The following FAM161A variants were observed in gnomAD, a reference collection of about 807,000 sequenced individuals.
FAM161A encodes the protein FAM161 centrosomal protein A.
FAM161A carries 57 observed loss-of-function variants against 70.9 expected under a neutral mutation model. The observed-to-expected ratio is 0.80, with a 90% CI of 0.65 to 1.00. FAM161A has a LOEUF of 1.00. Ranked by LOEUF, FAM161A falls within the 50% of genes least tolerant of loss-of-function variation. The pLI is 0.00. For synonymous variants in FAM161A, 299 were observed against 295.7 expected (o/e 1.01, Z -0.12); for missense variants, 880 against 836.0 (o/e 1.05, Z -0.65).
chr2:61,830,984 C>G (rs568755503), intron 5 of FAM161A, among the ~76,000 whole-genome samples: 47 of 151,656 alleles, frequency 3.1e-4, no homozygotes, highest in African/African-American at 1.1e-3. Context: ...TGGTGGCACG[C>G]GCCTGTAATC....
In FAM161A at chr2:61,839,692, A is replaced by G; in HGVS notation, c.1312T>C (p.Tyr438His). The G allele has an allele frequency of 6.2e-7, 1 of 1,614,188 alleles. No homozygotes were observed. The highest frequency in any genetic ancestry group is 1.6e-4 in the Middle Eastern group (1 of 6,062). The change falls in exon 3 of 7, where the codon TAC becomes CAC. Residue 438 changes from tyrosine to histidine, a missense_variant. Transcript: ENST00000404929. ...TTGTGTTCTGAGAGGTGTTTCTGGT[A>G]TCTCTCAGGAAGGTCCTCAAAATCA... The part of the protein sequence containing the change: ...TPDFEDLPER[Y>H]QKHLSEHKSP...
chr2:61,813,599 G>T, the FAM161A span, among the ~76,000 whole-genome samples: 1 of 149,470 alleles, frequency 6.7e-6, no homozygotes, highest in Non-Finnish European at 1.5e-5. Context: ...TGCACCTGTG[G>T]TCTCAGCTAT....
At chr2:61,815,380 C>T in the FAM161A span, among the ~76,000 whole-genome samples, 10 of 152,062 alleles carry the variant, frequency 6.6e-5, no homozygotes, top group East Asian at 1.9e-4. Context: ...TCGTTGAATC[C>T]GCCTCAAGGG....
At chr2:61,807,483 A>G in the FAM161A span, among the ~76,000 whole-genome samples, 1 of 151,900 alleles carries the variant, frequency 6.6e-6, no homozygotes, top group South Asian at 2.1e-4. Context: ...GAAAATGTAA[A>G]AAAGAACATT....
chr2:61,826,407 C>T lies in FAM161A; in HGVS notation c.*48G>A, dbSNP rs756747445. 1.3e-6 allele frequency: 2 copies of T among 1,598,578 alleles called. No homozygotes were observed. Among genetic ancestry groups the T allele is most frequent in the African/African-American group, 2.7e-5 (2 of 74,596 alleles). ...AAACACAAATGCGGCTGCTGACACC[C>T]TGACGCTGCAAACAACAGCAAGGGC... On this transcript the variant is annotated 3_prime_UTR_variant, in exon 7 of 7. Transcript: ENST00000404929.
chr2:61,824,805 T>C (rs1321865528), downstream of FAM161A: 6 of 356,772 alleles, frequency 1.7e-5, no homozygotes, highest in South Asian at 1.4e-4. Context: ...TTTAATCCCA[T>C]GTGTACTCAT....
chr2:61,804,940 G>A, the FAM161A span, among the ~76,000 whole-genome samples: 1 of 152,004 alleles, frequency 6.6e-6, no homozygotes, highest in Non-Finnish European at 1.5e-5. Context: ...CCCAGCAAAT[G>A]AATCCACTGG....
intron 1 of FAM161A, among the ~76,000 whole-genome samples, chr2:61,842,874 G>T (rs1673070674): frequency 6.6e-6 from 1 of 152,190 alleles, no homozygotes; most frequent in South Asian, 2.1e-4. Flanking sequence ...GTTCTCAGTG[G>T]CTTATCAAGG....
downstream of FAM161A, among the ~76,000 whole-genome samples, chr2:61,823,349 C>T (rs1245579737): frequency 1.2e-5 from 1 of 85,456 alleles, no homozygotes; most frequent in African/African-American, 4.5e-5. Context: ...AAAAAAAATG[C>T]TAAATTTTCC....
At chr2:61,849,785 A>C (rs1214835271) in intron 1 of FAM161A, among the ~76,000 whole-genome samples, 1 of 146,096 alleles carries the variant, frequency 6.8e-6, no homozygotes, top group African/African-American at 2.5e-5. Context: ...CTCCATCACA[A>C]AAAAAAAAAA....
In FAM161A at chr2:61,826,099, A is replaced by G. The variant is rs534526645; in HGVS notation, c.*356T>C. ...TTAAAAAGTAAACCACCAAAGACCAATACTTCTCTCTCCTTTCAATACTAA... is the reference window on the plus strand; with the variant it reads ...TTAAAAAGTAAACCACCAAAGACCAGTACTTCTCTCTCCTTTCAATACTAA... On this transcript the variant is annotated 3_prime_UTR_variant, in exon 7 of 7. Transcript: ENST00000404929. The G allele has an allele frequency of 3.4e-5, 16 of 472,442 alleles. No homozygotes were observed. Among genetic ancestry groups the G allele is most frequent in the South Asian group, 1.7e-4 (11 of 64,554 alleles). The allele number at this position is 472,442 out of a possible 1,614,324, so 29.3% of individuals were successfully genotyped here. A position where few individuals can be genotyped will look rare whatever the true frequency, so the allele number is the denominator to read the frequency against.
At chr2:61,845,336 G>A (rs997986227) in intron 1 of FAM161A, among the ~76,000 whole-genome samples, 1 of 152,114 alleles carries the variant, frequency 6.6e-6, no homozygotes, top group Non-Finnish European at 1.5e-5. Flanking sequence ...CCTAAACCAT[G>A]AGAACACTCC....
the FAM161A span, among the ~76,000 whole-genome samples, chr2:61,804,111 T>G: frequency 6.6e-6 from 1 of 152,192 alleles, no homozygotes. Flanking sequence ...GCCTCCCCAT[T>G]TTAGACCATA....
At chr2:61,813,812 T>A in the FAM161A span, among the ~76,000 whole-genome samples, 1 of 152,092 alleles carries the variant, frequency 6.6e-6, no homozygotes, top group African/African-American at 2.4e-5. Flanking sequence ...TTGATTATTA[T>A]GGATTTATGT....
chr2:61,826,763 G>A (rs941194514), intron 6 of FAM161A, among the ~76,000 whole-genome samples, 164 bp from the exon 7 acceptor site: 1 of 152,062 alleles, frequency 6.6e-6, no homozygotes, highest in East Asian at 1.9e-4. Flanking sequence ...CTATAAAAGT[G>A]CCCATTGAGA....
At chr2:61,801,475 C>T in the FAM161A span, among the ~76,000 whole-genome samples, 42 of 146,668 alleles carry the variant, frequency 2.9e-4, no homozygotes, top group African/African-American at 1.0e-3. Flanking sequence ...CCAGCCTGAG[C>T]GACAGGGAGA....
chr2:61,827,747 T>A (rs1246201845), intron 5 of FAM161A, among the ~76,000 whole-genome samples: 1 of 152,026 alleles, frequency 6.6e-6, no homozygotes, highest in African/African-American at 2.4e-5. Flanking sequence ...CTCCCACATA[T>A]GAGTCCCAAG....
rs771777783 is a variant in FAM161A, at chr2:61,836,117, TAAAGA to T, written c.1752-13_1752-9del. The T allele has an allele frequency of 2.5e-6, 4 of 1,579,416 alleles. No individual in the cohort carries two copies. The highest frequency in any genetic ancestry group is 3.5e-6 in the Non-Finnish European group (4 of 1,151,926). On this transcript the variant is annotated splice_polypyrimidine_tract_variant and intron_variant, in intron 4 of 6. Transcript: ENST00000404929. The stretch of plus-strand genomic sequence containing the variant: ...CTTTCCTTTTCGCTCTTTCTAAAAT[TAAAGA>T]AAAGCAATGGAATTTTAAAAGATCA...
chr2:61,853,177 T>G (rs919917308), intron 1 of FAM161A, among the ~76,000 whole-genome samples: 4 of 152,152 alleles, frequency 2.6e-5, no homozygotes, highest in African/African-American at 7.2e-5. Flanking sequence ...CCCAAAGTGC[T>G]GGGATTATAG....
Sources: allele counts gnomAD v4.1 joint callset (sites outside exome capture counted in the v4.1 genomes callset), GRCh38; gene constraint gnomAD v4.1.1; transcripts MANE v1.5; gene names NCBI Gene and HGNC (gene_info 2026-07-23, HGNC 2026-07-21).